ASIP: variants seen among roughly 807,000 people sequenced by gnomAD.
ASIP encodes the protein agouti signaling protein, also known as agouti-signaling protein.
In ASIP, 11 loss-of-function variants were observed where a neutral mutation model predicts 10.3. The observed-to-expected ratio is 1.07, with a 90% CI of 0.68 to 1.78. The LOEUF (loss-of-function observed/expected upper bound fraction) is 1.78, where lower values mean the gene tolerates loss of function less well. Among genes scored for constraint, ASIP ranks in the 40% most tolerant of loss-of-function variants. ASIP has a pLI of 0.00. For synonymous variants in ASIP, 70 were observed against 70.8 expected (o/e 0.99, Z 0.06); for missense variants, 180 against 169.2 (o/e 1.06, Z -0.35).
chr20:34,236,473 G>A (rs910177345), upstream of ASIP, among the ~76,000 whole-genome samples: 12 of 152,118 alleles, frequency 7.9e-5, no homozygotes, highest in Admixed American at 7.9e-4. Context: ...GAATCCAGGA[G>A]GTGGACGTTG....
chr20:34,215,189 A>C, intron 1 of ASIP: 1 of 1,601,336 alleles, frequency 6.2e-7, no homozygotes, highest in Non-Finnish European at 8.6e-7. Context: ...ACTTCTATTG[A>C]CATATGACCT....
At chr20:34,198,022 G>A (rs1345936920) in intron 1 of ASIP, among the ~76,000 whole-genome samples, 1 of 151,196 alleles carries the variant, frequency 6.6e-6, no homozygotes, top group East Asian at 1.9e-4. Flanking sequence ...GACCCTTGAT[G>A]TTGTGGTAGC....
chr20:34,190,796 G>A (rs908793938), upstream of ASIP, among the ~76,000 whole-genome samples: 2 of 152,188 alleles, frequency 1.3e-5, no homozygotes, highest in African/African-American at 4.8e-5. Context: ...GCAGACTTGA[G>A]GATGTGTTTC....
intron 1 of ASIP, among the ~76,000 whole-genome samples, chr20:34,242,473 T>C (rs766770282): frequency 9.2e-5 from 14 of 152,178 alleles, no homozygotes; most frequent in Non-Finnish European, 1.6e-4. Flanking sequence ...CCTCAGGTGA[T>C]CTGCCCACCT....
chr20:34,202,528 G>C (rs1396946360), intron 1 of ASIP, among the ~76,000 whole-genome samples: 2 of 152,126 alleles, frequency 1.3e-5, no homozygotes, highest in Non-Finnish European at 2.9e-5. Context: ...ATGATGTGAG[G>C]TCAAGTTTCC....
At position 34,235,917 on chromosome 20, in the gene ASIP, AG is replaced by A. The variant is rs1316826697; in HGVS notation, c.-10-24446del. Among the ~76,000 whole-genome samples the A allele has an allele frequency of 2.5e-4, 33 of 131,166 alleles. 4 individuals carry two copies. Among genetic ancestry groups the A allele is most frequent in the African/African-American group, 1.1e-3 (32 of 30,438 alleles). 86.0% of individuals were successfully genotyped at this position (131,166 alleles called of 152,430 possible). On this transcript the variant is annotated intron_variant, in intron 1 of 3. Coordinates refer to the ASIP transcript ENST00000568305. ...AGGAAGGAAAGGAAGGAAGGAAGGA[AG>A]GAAGGAAGGAAGCGGGAGGGAGGGA...
chr20:34,215,440 G>A (rs1191398913), intron 1 of ASIP: 14 of 1,528,806 alleles, frequency 9.2e-6, no homozygotes, highest in Non-Finnish European at 1.3e-5. Flanking sequence ...CACCAACTCT[G>A]AGTTGATAGC....
intron 1 of ASIP, among the ~76,000 whole-genome samples, chr20:34,252,785 C>T (rs946764657): frequency 5.3e-5 from 8 of 152,138 alleles, no homozygotes; most frequent in Non-Finnish European, 1.2e-4. Flanking sequence ...TTGGACAATA[C>T]CCAGGCTTTC....
intron 1 of ASIP, chr20:34,215,642 A>G (rs987616728): frequency 1.8e-5 from 26 of 1,470,956 alleles, no homozygotes; most frequent in Non-Finnish European, 2.5e-5. Flanking sequence ...CAGCCATGAT[A>G]TGAGCGTCTC....
chr20:34,242,587 AAAAC>A (rs982347720), intron 1 of ASIP, among the ~76,000 whole-genome samples: 21 of 152,228 alleles, frequency 1.4e-4, no homozygotes, highest in South Asian at 2.1e-4. Context: ...ACCCACTCAA[AAAAC>A]AAACAAACAA....
rs757195266 is a variant in ASIP, at chr20:34,260,336, C to G, written c.-10-29C>G. The G allele has an allele frequency of 2.5e-6, 4 of 1,597,216 alleles. No individual in the cohort carries two copies. The South Asian group carries it at 4.5e-5, about 18-fold the overall frequency. ...CTCTTACCATTACCCCTGACCCACC[C>G]ACCTGACCACCTTCTCTGTCCCACT... On this transcript the variant is annotated intron_variant, in intron 1 of 3. Coordinates refer to ENST00000374954, the MANE Select transcript of ASIP (RefSeq NM_001672.3).
intron 2 of ASIP, among the ~76,000 whole-genome samples, chr20:34,261,030 A>G (rs913578945): frequency 1.3e-5 from 2 of 152,186 alleles, no homozygotes; most frequent in Non-Finnish European, 2.9e-5. Context: ...TGAGGTGAGT[A>G]TGGTCTTTAT....
At chr20:34,206,298 G>A (rs750970107) in intron 1 of ASIP, among the ~76,000 whole-genome samples, 17 of 152,154 alleles carry the variant, frequency 1.1e-4, no homozygotes, top group East Asian at 7.7e-4. Context: ...GCCCGGCCTC[G>A]AATTGTATTT....
At chr20:34,259,552 T>C (rs983945158) in intron 1 of ASIP, among the ~76,000 whole-genome samples, 1 of 151,742 alleles carries the variant, frequency 6.6e-6, no homozygotes, top group East Asian at 1.9e-4. Flanking sequence ...AAATGCTTAG[T>C]CTGGCCAATG....
chr20:34,255,978 C>G (rs2035561971), intron 1 of ASIP, among the ~76,000 whole-genome samples: 1 of 152,258 alleles, frequency 6.6e-6, no homozygotes, highest in Non-Finnish European at 1.5e-5. Flanking sequence ...CCCGCAGCCT[C>G]CAGAGGCCTG....
chr20:34,218,704 C>A (rs2035025853), intron 1 of ASIP, among the ~76,000 whole-genome samples: 1 of 151,352 alleles, frequency 6.6e-6, no homozygotes, highest in African/African-American at 2.4e-5. Context: ...TTTTTTGAGA[C>A]CAGGCTGGAG....
chr20:34,234,945 CTTGTG>C (rs2035159652), intron 1 of ASIP: 1 of 152,184 alleles, frequency 6.6e-6, no homozygotes, highest in African/African-American at 2.4e-5. Context: ...TTGATTTAAT[CTTGTG>C]TTGTTTTTTT....
intron 2 of ASIP, among the ~76,000 whole-genome samples, chr20:34,261,363 G>A (rs1440348702): frequency 1.3e-5 from 2 of 152,148 alleles, no homozygotes; most frequent in Non-Finnish European, 2.9e-5. Context: ...AGCAAGGCAC[G>A]TGGCATGCAC....
chr20:34,234,001 T>C (rs1568754716), intron 1 of ASIP, among the ~76,000 whole-genome samples: 1 of 152,184 alleles, frequency 6.6e-6, no homozygotes, highest in Non-Finnish European at 1.5e-5. Flanking sequence ...AGGTCACAAA[T>C]CTGGCATGTA....
Sources: gnomAD v4.1 joint callset for allele counts (sites outside exome capture counted in the v4.1 genomes callset) on GRCh38, gnomAD v4.1.1 for gene constraint, MANE v1.5 for transcripts, NCBI Gene and HGNC (gene_info 2026-07-23, HGNC 2026-07-21) for gene names.